Variants in LARS2 observed in about 807,000 individuals in gnomAD.
The protein encoded by LARS2 is leucine--tRNA ligase, mitochondrial.
In LARS2, 81 loss-of-function variants were observed where a neutral mutation model predicts 116.6. The ratio of observed to expected loss-of-function variants is 0.69; its 90% CI spans 0.58 to 0.84. LARS2 has a LOEUF of 0.84. Ranked by LOEUF, LARS2 falls within the 40% of genes least tolerant of loss-of-function variation. LARS2 has a pLI of 0.00. For synonymous variants in LARS2, 396 were observed against 407.2 expected (o/e 0.97, Z 0.33); for missense variants, 968 against 1,114.5 (o/e 0.87, Z 1.87).
At chr3:45,421,523 G>A (rs138499484) in intron 6 of LARS2, 2 of 152,306 alleles carry the variant, frequency 1.3e-5, no homozygotes, top group Admixed American at 1.3e-4. Flanking sequence ...CAGGTACAGA[G>A]TAGGTATGAC....
intron 15 of LARS2, among the ~76,000 whole-genome samples, chr3:45,502,665 C>T (rs1056086900): frequency 2.6e-5 from 4 of 152,124 alleles, no homozygotes; most frequent in African/African-American, 9.6e-5. Context: ...CCTGCCTCGG[C>T]CTCCCGAAGT....
rs1180763664 is a variant in LARS2, at chr3:45,547,339, T to C, written c.2533-12T>C. On this transcript the variant is annotated splice_polypyrimidine_tract_variant and intron_variant, in intron 21 of 21. Transcript: ENST00000645846. The stretch of plus-strand genomic sequence containing the variant: ...GTTCCTCATTGTTTATCTTGGCTTT[T>C]CTCCTTCTCAGATCAACAATAAAGC... The C allele has an allele frequency of 1.3e-6, 2 of 1,593,748 alleles. No homozygotes were observed. Among genetic ancestry groups the C allele is most frequent in the African/African-American group, 2.7e-5 (2 of 73,802 alleles).
Position 45,548,923 on chromosome 3 carries a change from C to CG in LARS2, c.*1395dup, listed in dbSNP as rs537236779. 2.1e-4 allele frequency: 32 copies of CG among 152,282 alleles called. No individual in the cohort carries two copies. Among genetic ancestry groups the CG allele is most frequent in the African/African-American group, 5.8e-4 (24 of 41,548 alleles). The allele number at this position is 152,282 out of a possible 1,614,324, so 9.4% of individuals were successfully genotyped here. A position where few individuals can be genotyped will look rare whatever the true frequency, so the allele number is the denominator to read the frequency against. On this transcript the variant is annotated 3_prime_UTR_variant, in exon 22 of 22. Transcript: ENST00000645846. ...ACAGATTGAGGTATTCCATCATCATCGGAAGCATTGGCTGTGTGTCTGACT... is the reference window on the plus strand; with the variant it reads ...ACAGATTGAGGTATTCCATCATCATCGGGAAGCATTGGCTGTGTGTCTGACT...
At chr3:45,455,730 A>G (rs549973732) in intron 7 of LARS2, among the ~76,000 whole-genome samples, 2 of 152,238 alleles carry the variant, frequency 1.3e-5, no homozygotes, top group African/African-American at 4.8e-5. Context: ...TAGCCAAGAT[A>G]TGGAATCAAC....
chr3:45,501,151 A>G (rs1251211218), intron 15 of LARS2, among the ~76,000 whole-genome samples: 5 of 60,864 alleles, frequency 8.2e-5, no homozygotes, highest in Admixed American at 4.5e-4. Context: ...ATGGTACAAC[A>G]CATTAAATAT....
At chr3:45,465,866 C>T (rs1699415446) in intron 8 of LARS2, among the ~76,000 whole-genome samples, 1 of 152,182 alleles carries the variant, frequency 6.6e-6, no homozygotes, top group Non-Finnish European at 1.5e-5. Context: ...ATCTCATTTC[C>T]CTTAGCCCTG....
intron 6 of LARS2, among the ~76,000 whole-genome samples, chr3:45,434,736 C>T (rs1698772407): frequency 6.6e-6 from 1 of 152,156 alleles, no homozygotes. Context: ...ATTGCTATGG[C>T]AGGTGAAAGG....
chr3:45,394,757 A>G (rs1470312219), intron 3 of LARS2, 70 bp downstream of exon 3: 5 of 1,007,124 alleles, frequency 5.0e-6, no homozygotes, highest in East Asian at 2.4e-5. Context: ...GGGTTAGACT[A>G]CCTGGTTCAA....
At chr3:45,503,957 A>G (rs1700161279) in intron 15 of LARS2, among the ~76,000 whole-genome samples, 1 of 151,908 alleles carries the variant, frequency 6.6e-6, no homozygotes, top group African/African-American at 2.4e-5. Flanking sequence ...GCCTATCCCC[A>G]CGTGTGTTTT....
At chr3:45,421,941 A>G (rs1698520528) in intron 6 of LARS2, 1 of 152,248 alleles carries the variant, frequency 6.6e-6, no homozygotes, top group African/African-American at 2.4e-5. Context: ...TTTGCTGCCC[A>G]GCATCTCAAG....
chr3:45,522,340 C>G (rs143095324), intron 19 of LARS2, among the ~76,000 whole-genome samples: 7 of 152,260 alleles, frequency 4.6e-5, no homozygotes, highest in Admixed American at 6.5e-5. Context: ...TGACTTATGT[C>G]ATATCAATAA....
At chr3:45,467,843 CA>C (rs1259261700) in intron 8 of LARS2, among the ~76,000 whole-genome samples, 1 of 152,136 alleles carries the variant, frequency 6.6e-6, no homozygotes, top group Non-Finnish European at 1.5e-5. Context: ...GTAATCTCAA[CA>C]AGGTAGCCAA....
chr3:45,476,316 C>T (rs1699608175), intron 9 of LARS2, 152 bp from the exon 10 acceptor site: 2 of 760,476 alleles, frequency 2.6e-6, no homozygotes, highest in African/African-American at 1.7e-5. Flanking sequence ...TTCTTCCAGG[C>T]ACCATCTCAA....
At chr3:45,424,096 T>G (rs144378076) in intron 6 of LARS2, among the ~76,000 whole-genome samples, 46 of 152,064 alleles carry the variant, frequency 3.0e-4, no homozygotes, top group African/African-American at 1.1e-3. Flanking sequence ...TATTAATAAG[T>G]AGAGTGCAAG....
Position 45,456,181 on chromosome 3 carries a change from G to T in LARS2, c.607-2562G>T, listed in dbSNP as rs58259580. The stretch of plus-strand genomic sequence containing the variant: ...ACAAAAAATGTTAAGTAAGTGAGGT[G>T]ATGGGTATTTTAATTGCTTAATTAT... On this transcript the variant is annotated intron_variant, in intron 7 of 21. Transcript: ENST00000645846. Among the ~76,000 whole-genome samples the T allele has an allele frequency of 9.1e-3, 1,384 of 152,240 alleles. 20 individuals carry two copies. Among genetic ancestry groups the T allele is most frequent in the African/African-American group, 0.024 (1,002 of 41,552 alleles).
At chr3:45,520,726 C>T (rs1409771257) in intron 19 of LARS2, among the ~76,000 whole-genome samples, 1 of 152,210 alleles carries the variant, frequency 6.6e-6, no homozygotes, top group Non-Finnish European at 1.5e-5. Context: ...TCACCAATGC[C>T]AAAAGTCAGC....
intron 1 of LARS2, among the ~76,000 whole-genome samples, chr3:45,391,100 G>T (rs2125669745): frequency 6.6e-6 from 1 of 152,114 alleles, no homozygotes; most frequent in South Asian, 2.1e-4. Context: ...AGATTTTTTA[G>T]CATCAGATTT....
intron 14 of LARS2, among the ~76,000 whole-genome samples, chr3:45,498,712 G>A (rs367556491): frequency 3.3e-4 from 50 of 152,260 alleles, no homozygotes; most frequent in African/African-American, 1.2e-3. Context: ...CTCAAGGGAC[G>A]GCATTACCTT....
rs183060402 is a variant in LARS2 at position 45,432,010 on chromosome 3, G to T, written c.516+12281G>T. Among the ~76,000 whole-genome samples, 272 of 152,120 alleles carry T rather than the reference G, an allele frequency of 1.8e-3. 1 individual carries two copies. The highest frequency in any genetic ancestry group is 4.4e-3 in the Admixed American group (67 of 15,278). On this transcript the variant is annotated intron_variant, in intron 6 of 21. Coordinates refer to ENST00000645846, the MANE Select transcript of LARS2 (RefSeq NM_015340.4). Reference sequence around the variant, plus strand: ...CAAATAGTAATGAAAAGAGAGCAAGGGTGGCTGTAGTGATCAGACAAAATA... The same window carrying T: ...CAAATAGTAATGAAAAGAGAGCAAGTGTGGCTGTAGTGATCAGACAAAATA...
Sources: gnomAD v4.1 joint callset for allele counts (sites outside exome capture counted in the v4.1 genomes callset) on GRCh38, gnomAD v4.1.1 for gene constraint, MANE v1.5 for transcripts, NCBI Gene and HGNC (gene_info 2026-07-23, HGNC 2026-07-21) for gene names.